Variants in KIAA0930 observed in about 807,000 individuals in gnomAD.
The protein encoded by KIAA0930 is KIAA0930.
Under a neutral mutation model 43.9 loss-of-function variants are expected in KIAA0930, and 24 were observed. The ratio of observed to expected loss-of-function variants is 0.55; its 90% CI spans 0.40 to 0.77. The LOEUF (loss-of-function observed/expected upper bound fraction) is 0.77, where lower values mean the gene tolerates loss of function less well. Ranked by LOEUF, KIAA0930 falls within the 30% of genes least tolerant of loss-of-function variation. KIAA0930 has a pLI of 0.00. For synonymous variants in KIAA0930, 259 were observed against 216.4 expected, an observed-to-expected ratio of 1.20 and a Z score of -1.73; for missense variants, 461 against 574.2, an observed-to-expected ratio of 0.80 and a Z score of 2.02.
chr22:45,205,150 G>T, intron 5 of KIAA0930, 67 bp downstream of exon 5: 1 of 1,329,190 alleles, frequency 7.5e-7, no homozygotes, highest in Non-Finnish European at 1.1e-6. Flanking sequence ...AGGCCGCGGG[G>T]AGAAGCGCCT....
Position 45,203,948 on chromosome 22 carries a change from A to C in KIAA0930, c.554T>G (p.Val185Gly). 2.5e-6 allele frequency: 4 copies of C among 1,613,998 alleles called. No homozygotes were observed. Among genetic ancestry groups the C allele is most frequent in the Non-Finnish European group, 3.4e-6 (4 of 1,179,960 alleles). ...GTCACTAGCCACCAGCTCCACACAG[A>C]CCATCTCTCCTTCCCCTACGGTCAT... is the stretch of plus-strand genomic sequence containing the variant. ...SDMTVGEGEM[V>G]CVELVASDKT... The change falls in exon 6 of 10, where the codon GTC becomes GGC. Residue 185 changes from valine to glycine, a missense_variant. Physicochemically the swap from Val to Gly is moderately radical, Grantham distance 109 (BLOSUM62 -3). Transcript: ENST00000336156.
At chr22:45,198,650 C>G (rs751044223) in intron 8 of KIAA0930, among the ~76,000 whole-genome samples, 7 of 152,096 alleles carry the variant, frequency 4.6e-5, no homozygotes, top group African/African-American at 1.7e-4. Flanking sequence ...TCCTTCACGT[C>G]GTTTTTTTTT....
intron 2 of KIAA0930, chr22:45,211,299 C>A (rs978099905): frequency 3.0e-5 from 12 of 398,008 alleles, no homozygotes; most frequent in Non-Finnish European, 4.9e-5. Flanking sequence ...AAACATTTTA[C>A]GAACAGCAAA....
chr22:45,204,652 A>ACAGAGGAGAGACACAAATGGG (rs2083619699), intron 5 of KIAA0930, among the ~76,000 whole-genome samples: 2 of 151,874 alleles, frequency 1.3e-5, no homozygotes, highest in Non-Finnish European at 2.9e-5. Context: ...CAGGGCCTCA[A>ACAGAGGAGAGACACAAATGGG]CAGAGGAGAG....
intron 1 of KIAA0930, among the ~76,000 whole-genome samples, chr22:45,226,557 C>A (rs1044726397): frequency 6.6e-6 from 1 of 152,092 alleles, no homozygotes; most frequent in Non-Finnish European, 1.5e-5. Flanking sequence ...GACCCCACAG[C>A]TGTTTCCAGA....
chr22:45,199,418 T>C (rs1227093792), intron 8 of KIAA0930, among the ~76,000 whole-genome samples: 1 of 152,100 alleles, frequency 6.6e-6, no homozygotes, highest in East Asian at 1.9e-4. Context: ...GAGCACGTGG[T>C]TCTGGGAGGC....
At chr22:45,240,447 CAG>C (rs1260749357) in intron 1 of KIAA0930, among the ~76,000 whole-genome samples, 191 bp downstream of exon 1, 1 of 151,836 alleles carries the variant, frequency 6.6e-6, no homozygotes, top group Non-Finnish European at 1.5e-5. Flanking sequence ...GGACGGAAAG[CAG>C]AGACAGACCC....
chr22:45,209,168 GC>G (rs1472155945), intron 2 of KIAA0930, among the ~76,000 whole-genome samples: 1 of 152,232 alleles, frequency 6.6e-6, no homozygotes, highest in Non-Finnish European at 1.5e-5. Flanking sequence ...CCTGCTAGGT[GC>G]AGGAGGCCCG....
intron 1 of KIAA0930, among the ~76,000 whole-genome samples, chr22:45,238,093 T>C (rs2083897801): frequency 6.6e-6 from 1 of 151,738 alleles, no homozygotes; most frequent in Non-Finnish European, 1.5e-5. Context: ...GCTAATTTTT[T>C]TTTTTGTATT....
chr22:45,226,204 C>T (rs1482193220), intron 1 of KIAA0930: 2 of 469,770 alleles, frequency 4.3e-6, no homozygotes, highest in South Asian at 3.1e-5. Context: ...TAGACTTGCA[C>T]AACGCTGTGA....
At chr22:45,229,641 C>A (rs910543333) in intron 1 of KIAA0930, among the ~76,000 whole-genome samples, 5 of 152,336 alleles carry the variant, frequency 3.3e-5, no homozygotes, top group African/African-American at 1.2e-4. Context: ...CCCCTCTCCG[C>A]CAACAACGGG....
chr22:45,231,311 A>T (rs2083852205), intron 1 of KIAA0930, among the ~76,000 whole-genome samples: 1 of 152,082 alleles, frequency 6.6e-6, no homozygotes, highest in South Asian at 2.1e-4. Flanking sequence ...TGTATCATGT[A>T]AAACTTACAC....
chr22:45,209,677 A>AC (rs1483267769), intron 2 of KIAA0930, among the ~76,000 whole-genome samples: 1 of 152,152 alleles, frequency 6.6e-6, no homozygotes. Flanking sequence ...CACTGGCCAT[A>AC]CCGTCTGTCT....
intron 1 of KIAA0930, among the ~76,000 whole-genome samples, chr22:45,222,325 C>G (rs2083772255): frequency 6.6e-6 from 1 of 152,102 alleles, no homozygotes; most frequent in African/African-American, 2.4e-5. Context: ...CTTAAAATTT[C>G]TCTTATTTGA....
chr22:45,204,125 C>A (rs1035468155), intron 5 of KIAA0930, 140 bp from the exon 6 acceptor site: 7 of 1,085,976 alleles, frequency 6.4e-6, no homozygotes, highest in Non-Finnish European at 9.3e-6. Flanking sequence ...CTCCTGTGGC[C>A]CCATGCCCTC....
At chr22:45,216,145 C>T (rs181294870) in intron 1 of KIAA0930, among the ~76,000 whole-genome samples, 1 of 152,266 alleles carries the variant, frequency 6.6e-6, no homozygotes, top group East Asian at 1.9e-4. Context: ...CAGGAAAGGT[C>T]GGGACTGGAG....
intron 7 of KIAA0930, chr22:45,200,948 G>A (rs760820111): frequency 2.0e-6 from 1 of 499,594 alleles, no homozygotes; most frequent in Non-Finnish European, 4.2e-6. Flanking sequence ...ACGAGTAGGA[G>A]TTCGCCAGGT....
chr22:45,194,401 A>G lies in KIAA0930; in HGVS notation c.*2775T>C, dbSNP rs928678512. On this transcript the variant is annotated 3_prime_UTR_variant, in exon 10 of 10. Coordinates refer to ENST00000336156, the MANE Select transcript of KIAA0930 (RefSeq NM_001009880.2). ...CAATATGTCTTAAAGGGGGTTTGGGATTAAAGTACAGTTTTCCGCTGAGGA... is the reference window on the plus strand; with the variant it reads ...CAATATGTCTTAAAGGGGGTTTGGGGTTAAAGTACAGTTTTCCGCTGAGGA... 1 of 152,100 alleles carries G rather than the reference A, an allele frequency of 6.6e-6. No homozygotes were observed. The highest frequency in any genetic ancestry group is 1.5e-5 in the Non-Finnish European group (1 of 68,012). 9.4% of individuals were successfully genotyped at this position (152,100 alleles called of 1,614,324 possible). A position where few individuals can be genotyped will look rare whatever the true frequency, so the allele number is the denominator to read the frequency against.
chr22:45,219,815 G>A (rs565398329), intron 1 of KIAA0930, among the ~76,000 whole-genome samples: 16 of 152,030 alleles, frequency 1.1e-4, no homozygotes, highest in South Asian at 4.1e-4. Flanking sequence ...GGTCTTGAGT[G>A]CCTGAGCTCA....
Sources: gnomAD v4.1 joint callset for allele counts (sites outside exome capture counted in the v4.1 genomes callset) on GRCh38, gnomAD v4.1.1 for gene constraint, MANE v1.5 for transcripts, NCBI Gene and HGNC (gene_info 2026-07-23, HGNC 2026-07-21) for gene names.